HECW2: variants seen among roughly 807,000 people sequenced by gnomAD.
The protein encoded by HECW2 is E3 ubiquitin-protein ligase HECW2.
A neutral mutation model predicts 175.2 loss-of-function variants in HECW2; 61 were observed. The observed-to-expected ratio is 0.35, with a 90% CI of 0.28 to 0.43. The LOEUF (loss-of-function observed/expected upper bound fraction) is 0.43. HECW2 is among the 20% of genes least tolerant of loss of function. The pLI, the probability that HECW2 is intolerant of heterozygous loss-of-function variation, is 1.00. For synonymous variants in HECW2, 671 were observed against 731.0 expected, an observed-to-expected ratio of 0.92 and a Z score of 1.32; for missense variants, 1,524 against 2,000.5, an observed-to-expected ratio of 0.76 and a Z score of 4.54.
chr2:196,328,820 T>C (rs1287142886), intron 5 of HECW2, among the ~76,000 whole-genome samples: 2 of 152,212 alleles, frequency 1.3e-5, no homozygotes, highest in Non-Finnish European at 2.9e-5. Flanking sequence ...ACCAATTTAT[T>C]TTCTAAAATC....
chr2:196,258,948 G>T (rs1456044998), intron 17 of HECW2, among the ~76,000 whole-genome samples: 1 of 152,024 alleles, frequency 6.6e-6, no homozygotes, highest in South Asian at 2.1e-4. Context: ...TTTTCTACTT[G>T]ATATTTTCAC....
intron 21 of HECW2, among the ~76,000 whole-genome samples, chr2:196,234,679 T>A (rs1476333533): frequency 6.6e-6 from 1 of 152,014 alleles, no homozygotes; most frequent in Non-Finnish European, 1.5e-5. Flanking sequence ...ATGTGCAGTA[T>A]AATAATAGAG....
rs59062530 is a variant in HECW2, at chr2:196,557,684, CAT to C, written c.-36+35822_-36+35823del. On this transcript the variant is annotated intron_variant, in intron 1 of 28. Transcript: ENST00000644978. The stretch of plus-strand genomic sequence containing the variant: ...AAGTAAAATAAAATGACATTAAAAT[CAT>C]GTGATAATATTTCATGGGAAAATAC... 2.9e-3 allele frequency among the ~76,000 whole-genome samples: 446 copies of C among 152,196 alleles called. 1 individual carries two copies. Among genetic ancestry groups the C allele is most frequent in the African/African-American group, 0.01 (420 of 41,518 alleles).
intron 1 of HECW2, among the ~76,000 whole-genome samples, chr2:196,534,659 T>C (rs1259814711): frequency 6.6e-6 from 1 of 152,100 alleles, no homozygotes; most frequent in Non-Finnish European, 1.5e-5. Flanking sequence ...AGCTGGGGCT[T>C]TGAGATATAA....
intron 1 of HECW2, among the ~76,000 whole-genome samples, chr2:196,447,553 A>G (rs902056839): frequency 3.9e-5 from 6 of 152,256 alleles, no homozygotes. Flanking sequence ...GGATCTGGCA[A>G]AGTTAGAACA....
intron 17 of HECW2, among the ~76,000 whole-genome samples, chr2:196,269,703 T>A (rs574058188): frequency 2.0e-5 from 3 of 152,026 alleles, no homozygotes; most frequent in African/African-American, 7.3e-5. Context: ...AAAATCTAAT[T>A]GGAAAATAAC....
intron 14 of HECW2, among the ~76,000 whole-genome samples, chr2:196,284,025 T>G (rs531954150): frequency 1.3e-5 from 2 of 152,314 alleles, no homozygotes; most frequent in Non-Finnish European, 2.9e-5. Flanking sequence ...TCATCTCCTT[T>G]TTTCCATTCT....
At chr2:196,478,182 A>C (rs1195739523) in intron 1 of HECW2, among the ~76,000 whole-genome samples, 1 of 152,254 alleles carries the variant, frequency 6.6e-6, no homozygotes, top group Non-Finnish European at 1.5e-5. Flanking sequence ...CAGAAACAGC[A>C]GAAAATTCAA....
Position 196,278,581 on chromosome 2 carries a change from C to T in HECW2, c.3082G>A (p.Ala1028Thr), listed in dbSNP as rs1268726689. ...LPLQSSRPTSALVHRQHLTRQ... is the reference protein window; with the variant it reads ...LPLQSSRPTSTLVHRQHLTRQ... ...GTCAGGTGTTGCCGATGAACCAGCG[C>T]ACTTGTGGGTCTACTGCTCTGAAGT... The change falls in exon 15 of 29, where the codon GCG (alanine) becomes ACG (threonine). Residue 1028 changes from alanine (A) to threonine (T), a missense_variant. Around this residue, in one of 11 missense-constraint regions of HECW2, gnomAD observed 291 missense variants for 412.2 expected, o/e 0.71. Transcript: ENST00000644978. The T allele has an allele frequency of 2.5e-6, 4 of 1,614,020 alleles. No homozygotes were observed. The highest frequency in any genetic ancestry group is 1.6e-4 in the Middle Eastern group (1 of 6,084).
At chr2:196,276,895 CCA>C (rs1468200262) in intron 15 of HECW2, among the ~76,000 whole-genome samples, 4 of 152,034 alleles carry the variant, frequency 2.6e-5, no homozygotes, top group African/African-American at 9.7e-5. Context: ...TGAATCAGAT[CCA>C]GTTATTTATT....
At chr2:196,537,835 T>C (rs1483898879) in intron 1 of HECW2, among the ~76,000 whole-genome samples, 1 of 152,202 alleles carries the variant, frequency 6.6e-6, no homozygotes, top group East Asian at 1.9e-4. Context: ...AATATAGCAA[T>C]TGAGAAAATT....
At chr2:196,275,562 G>A (rs1376280629) in intron 15 of HECW2, among the ~76,000 whole-genome samples, 4 of 152,028 alleles carry the variant, frequency 2.6e-5, no homozygotes, top group South Asian at 2.1e-4. Context: ...GACCATCCTG[G>A]CCAACATGGT....
At chr2:196,233,163 G>T (rs757689312) in intron 21 of HECW2, among the ~76,000 whole-genome samples, 23 of 152,002 alleles carry the variant, frequency 1.5e-4, no homozygotes, top group Non-Finnish European at 2.9e-4. Flanking sequence ...TTCCTGTTTT[G>T]CCAGTTAGGT....
intron 10 of HECW2, among the ~76,000 whole-genome samples, chr2:196,309,209 G>C (rs1436212219): frequency 6.6e-6 from 1 of 152,200 alleles, no homozygotes; most frequent in Non-Finnish European, 1.5e-5. Context: ...GCATGGTAGA[G>C]CTCAGCCTGC....
intron 14 of HECW2, 53 bp from the exon 15 acceptor site, chr2:196,278,715 C>T: frequency 6.3e-7 from 1 of 1,596,210 alleles, no homozygotes; most frequent in Non-Finnish European, 8.6e-7. Context: ...TCTTAGCTGA[C>T]TTATAACATC....
intron 19 of HECW2, 81 bp downstream of exon 19, chr2:196,253,839 T>A: frequency 7.7e-7 from 1 of 1,297,948 alleles, no homozygotes; most frequent in Non-Finnish European, 1.1e-6. Flanking sequence ...TCCCTTACTG[T>A]TCTGTCTTTA....
chr2:196,468,651 A>AT (rs910256826), intron 1 of HECW2, among the ~76,000 whole-genome samples: 83 of 151,958 alleles, frequency 5.5e-4, no homozygotes, highest in Non-Finnish European at 9.6e-4. Flanking sequence ...AAACTATTCC[A>AT]TTTTTTTTCC....
intron 2 of HECW2, among the ~76,000 whole-genome samples, chr2:196,365,504 C>T (rs13395236): frequency 0.014 from 2,157 of 152,228 alleles, 57 homozygotes; most frequent in African/African-American, 0.049. Context: ...TTCTTCGAAC[C>T]CTGTGTTCCT....
intron 1 of HECW2, among the ~76,000 whole-genome samples, chr2:196,583,294 CA>C (rs1690858407): frequency 6.6e-6 from 1 of 152,174 alleles, no homozygotes; most frequent in Admixed American, 6.5e-5. Context: ...GATCACATGG[CA>C]GAAGGCACTG....
Sources: gnomAD v4.1 joint callset for allele counts (sites outside exome capture counted in the v4.1 genomes callset) on GRCh38, gnomAD v4.1.1 for gene constraint, gnomAD v4.1.1 regional missense constraint, MANE v1.5 for transcripts, NCBI Gene and HGNC (gene_info 2026-07-23, HGNC 2026-07-21) for gene names.